Variants in ACCSL observed in about 807,000 individuals in gnomAD.
ACCSL encodes probable inactive 1-aminocyclopropane-1-carboxylate synthase-like protein 2.
In ACCSL, 55 loss-of-function variants were observed where a neutral mutation model predicts 61.7. The ratio of observed to expected loss-of-function variants is 0.89; its 90% CI spans 0.72 to 1.12. ACCSL has a LOEUF of 1.12. Ranked by LOEUF, ACCSL falls within the 50% of genes most tolerant of loss-of-function variation. ACCSL has a pLI of 0.00. For synonymous variants in ACCSL, 258 were observed against 264.3 expected (o/e 0.98, Z 0.23); for missense variants, 632 against 698.0 (o/e 0.91, Z 1.07).
At chr11:44,016,895 C>G in the ACCSL span, among the ~76,000 whole-genome samples, 1 of 152,198 alleles carries the variant, frequency 6.6e-6, no homozygotes, top group Non-Finnish European at 1.5e-5. Context: ...AGTTTCTCTA[C>G]TTATAAAATA....
At chr11:43,978,003 C>CTTTTTTTTTTTTTTTTTTTT in the ACCSL span, among the ~76,000 whole-genome samples, 1 of 97,652 alleles carries the variant, frequency 1.0e-5, no homozygotes, top group Admixed American at 1.1e-4. Context: ...CTAGGAAGCT[C>CTTTTTTTTTTTTTTTTTTTT]TTTTTTTTTT....
chr11:44,046,945 G>A (rs964163739), upstream of ACCSL, among the ~76,000 whole-genome samples: 1 of 152,056 alleles, frequency 6.6e-6, no homozygotes, highest in African/African-American at 2.4e-5. Flanking sequence ...CCTAATCGTT[G>A]GAAGTTTGTT....
chr11:43,928,285 A>T, the ACCSL span, among the ~76,000 whole-genome samples: 3 of 141,102 alleles, frequency 2.1e-5, no homozygotes, highest in African/African-American at 7.4e-5. Flanking sequence ...GGCCTGGGGG[A>T]CACCTCTAGG....
chr11:43,940,582 G>T, the ACCSL span, among the ~76,000 whole-genome samples: 2 of 150,908 alleles, frequency 1.3e-5, no homozygotes, highest in Non-Finnish European at 2.9e-5. Flanking sequence ...GGATGGTCTC[G>T]ATCTCCTGAC....
intron 1 of ACCSL, 107 bp from the exon 2 acceptor site, chr11:44,049,955 G>T: frequency 6.8e-7 from 1 of 1,464,432 alleles, no homozygotes; most frequent in East Asian, 2.3e-5. Flanking sequence ...AATTTGGATT[G>T]AATTGCCTCA....
chr11:43,950,292 C>T, the ACCSL span, among the ~76,000 whole-genome samples: 4 of 152,194 alleles, frequency 2.6e-5, no homozygotes, highest in Non-Finnish European at 5.9e-5. Context: ...TTGTCAGAAC[C>T]TCCTAAGGCT....
the ACCSL span, chr11:43,922,245 G>A: frequency 3.9e-5 from 6 of 152,224 alleles, no homozygotes; most frequent in Non-Finnish European, 7.3e-5. Flanking sequence ...TCCCATTGTA[G>A]AGGCTAGGAA....
the ACCSL span, among the ~76,000 whole-genome samples, chr11:43,967,471 G>A: frequency 3.9e-5 from 6 of 151,962 alleles, no homozygotes; most frequent in South Asian, 8.3e-4. Context: ...GAACCACCAC[G>A]CCCGGCCTCA....
At chr11:44,014,269 C>T in the ACCSL span, among the ~76,000 whole-genome samples, 9 of 152,196 alleles carry the variant, frequency 5.9e-5, no homozygotes, top group Non-Finnish European at 1.3e-4. Flanking sequence ...TCACAGGAGG[C>T]CCCTTGAGGT....
chr11:44,028,086 A>G, the ACCSL span, among the ~76,000 whole-genome samples: 1 of 152,070 alleles, frequency 6.6e-6, no homozygotes, highest in Non-Finnish European at 1.5e-5. Context: ...AGATTGCCTG[A>G]GCCTAGGATT....
chr11:44,002,896 C>T, the ACCSL span, among the ~76,000 whole-genome samples: 5 of 152,156 alleles, frequency 3.3e-5, no homozygotes, highest in South Asian at 1.0e-3. Context: ...ATGGCCTTGT[C>T]CAGGGCTGGA....
At chr11:44,026,140 G>A in the ACCSL span, among the ~76,000 whole-genome samples, 1 of 152,084 alleles carries the variant, frequency 6.6e-6, no homozygotes, top group Non-Finnish European at 1.5e-5. Flanking sequence ...CTCCTTGTCT[G>A]TCCTCTTGGA....
At chr11:44,057,055 T>C (rs1383250656) in intron 11 of ACCSL, among the ~76,000 whole-genome samples, 4 of 152,242 alleles carry the variant, frequency 2.6e-5, no homozygotes, top group Admixed American at 1.3e-4. Flanking sequence ...ATTCTTCTAA[T>C]ACAACATAAT....
At chr11:44,020,956 T>G in the ACCSL span, among the ~76,000 whole-genome samples, 10 of 152,318 alleles carry the variant, frequency 6.6e-5, no homozygotes, top group Non-Finnish European at 1.0e-4. Flanking sequence ...AATGCCATTA[T>G]TTCATTCCTT....
chr11:43,940,648 C>T, the ACCSL span, among the ~76,000 whole-genome samples: 1 of 152,164 alleles, frequency 6.6e-6, no homozygotes, highest in Non-Finnish European at 1.5e-5. Context: ...GCGTGAGCCA[C>T]CGCACCCGGC....
chr11:44,035,380 G>C, the ACCSL span, among the ~76,000 whole-genome samples: 1 of 151,920 alleles, frequency 6.6e-6, no homozygotes, highest in Admixed American at 6.6e-5. Context: ...CCTCTCTGTT[G>C]TCCAACAGGA....
At chr11:44,020,659 G>A in the ACCSL span, among the ~76,000 whole-genome samples, 2 of 151,948 alleles carry the variant, frequency 1.3e-5, no homozygotes, top group African/African-American at 4.8e-5. Flanking sequence ...GTTTTTGGGG[G>A]AACAGGTGGT....
At chr11:43,997,049 G>C in the ACCSL span, among the ~76,000 whole-genome samples, 1 of 151,808 alleles carries the variant, frequency 6.6e-6, no homozygotes, top group Non-Finnish European at 1.5e-5. Flanking sequence ...GACCTCAGGT[G>C]ATCCACCCGC....
At chr11:44,007,091 C>T in the ACCSL span, among the ~76,000 whole-genome samples, 9 of 152,202 alleles carry the variant, frequency 5.9e-5, no homozygotes, top group East Asian at 5.8e-4. Flanking sequence ...TTAGGCTTGG[C>T]GGGACAATTT....
Sources: gnomAD v4.1 joint callset for allele counts (sites outside exome capture counted in the v4.1 genomes callset) on GRCh38, gnomAD v4.1.1 for gene constraint, MANE v1.5 for transcripts, NCBI Gene and HGNC (gene_info 2026-07-23, HGNC 2026-07-21) for gene names.